Variants in SLC14A2 observed in about 807,000 individuals in gnomAD.
The protein encoded by SLC14A2 is urea transporter 2.
SLC14A2 carries 91 observed loss-of-function variants against 104.6 expected under a neutral mutation model. The ratio of observed to expected loss-of-function variants is 0.87; its 90% CI spans 0.73 to 1.04. The LOEUF is 1.04. Ranked by LOEUF, SLC14A2 falls within the 50% of genes least tolerant of loss-of-function variation. The probability of loss-of-function intolerance (pLI) is 0.00; values close to 1 mark genes in which losing one functional copy is unlikely to be tolerated. For synonymous variants in SLC14A2, 476 were observed against 466.4 expected, an observed-to-expected ratio of 1.02 and a Z score of -0.27; for missense variants, 1,189 against 1,156.0, an observed-to-expected ratio of 1.03 and a Z score of -0.41.
At chr18:45,591,179 T>C (rs891074452) in intron 2 of SLC14A2, among the ~76,000 whole-genome samples, 9 of 152,336 alleles carry the variant, frequency 5.9e-5, no homozygotes, top group African/African-American at 1.9e-4. Context: ...TCTTCTGATA[T>C]GCAAATATCC....
intron 2 of SLC14A2, among the ~76,000 whole-genome samples, chr18:45,486,186 A>G (rs1311862270): frequency 6.6e-6 from 1 of 152,138 alleles, no homozygotes; most frequent in East Asian, 1.9e-4. Flanking sequence ...AGAGCAGTTA[A>G]TGGCAACTGT....
chr18:45,410,527 CT>C (rs1417793474), intron 1 of SLC14A2, among the ~76,000 whole-genome samples: 1 of 152,058 alleles, frequency 6.6e-6, no homozygotes, highest in African/African-American at 2.4e-5. Context: ...AATAACAAAT[CT>C]TATTTATGTA....
At chr18:45,261,189 G>C (rs898887636) in intron 1 of SLC14A2, among the ~76,000 whole-genome samples, 1 of 151,440 alleles carries the variant, frequency 6.6e-6, no homozygotes, top group African/African-American at 2.4e-5. Flanking sequence ...ACAGGCCCCG[G>C]TGTGTGATGT....
intron 1 of SLC14A2, among the ~76,000 whole-genome samples, chr18:45,347,210 G>T (rs1372546953): frequency 6.6e-6 from 1 of 151,952 alleles, no homozygotes; most frequent in Admixed American, 6.6e-5. Flanking sequence ...ACAAAAATTA[G>T]CTGGGCATGG....
In SLC14A2 at chr18:45,344,046, A is replaced by G. The variant is rs1809300203; in HGVS notation, c.-125+130855A>G. Among the ~76,000 whole-genome samples, 7 of 152,202 alleles carry G rather than the reference A, an allele frequency of 4.6e-5. No homozygotes were observed. In the South Asian group the frequency reaches 1.4e-3, roughly 32 times the overall value. ...AAAGCAGCTACAATTTGCTGGCCCA[A>G]TAACTTTCATCAAAGTATGTGAAAG... is the stretch of plus-strand genomic sequence containing the variant. On this transcript the variant is annotated intron_variant, in intron 1 of 20. Transcript: ENST00000586448.
intron 1 of SLC14A2, among the ~76,000 whole-genome samples, chr18:45,300,079 G>A (rs143183962): frequency 1.3e-3 from 198 of 152,254 alleles, no homozygotes; most frequent in African/African-American, 4.6e-3. Context: ...TCAGGGCAAG[G>A]TCTAGGTTTG....
At chr18:45,241,740 T>C (rs2084319930) in intron 1 of SLC14A2, among the ~76,000 whole-genome samples, 1 of 150,766 alleles carries the variant, frequency 6.6e-6, no homozygotes, top group African/African-American at 2.4e-5. Flanking sequence ...TTCTCTTGGA[T>C]TCAAACGACT....
intron 1 of SLC14A2, among the ~76,000 whole-genome samples, chr18:45,436,296 A>T (rs769050000): frequency 9.2e-5 from 14 of 152,220 alleles, no homozygotes; most frequent in African/African-American, 2.2e-4. Flanking sequence ...CAGAAAGCAG[A>T]TGCAGTTCCA....
At chr18:45,590,833 C>T (rs776726146) in intron 2 of SLC14A2, among the ~76,000 whole-genome samples, 4 of 152,212 alleles carry the variant, frequency 2.6e-5, no homozygotes, top group Non-Finnish European at 5.9e-5. Context: ...TAAGGCACTG[C>T]TCTAGACATG....
intron 1 of SLC14A2, among the ~76,000 whole-genome samples, chr18:45,311,939 T>C (rs976992096): frequency 3.3e-5 from 5 of 152,158 alleles, no homozygotes; most frequent in African/African-American, 4.8e-5. Flanking sequence ...AAATAAGCCA[T>C]TGATGCTGGA....
chr18:45,598,905 C>T (rs1250027847), intron 2 of SLC14A2, among the ~76,000 whole-genome samples: 1 of 152,162 alleles, frequency 6.6e-6, no homozygotes, highest in Non-Finnish European at 1.5e-5. Flanking sequence ...AACTTTCTTA[C>T]CCCAAGGGAA....
At chr18:45,323,824 C>T (rs1431144224) in intron 1 of SLC14A2, among the ~76,000 whole-genome samples, 1 of 152,144 alleles carries the variant, frequency 6.6e-6, no homozygotes, top group Non-Finnish European at 1.5e-5. Context: ...CCTCCCAAGA[C>T]CAAAAATGCA....
At chr18:45,500,368 G>A (rs1386959473) in intron 2 of SLC14A2, among the ~76,000 whole-genome samples, 4 of 152,050 alleles carry the variant, frequency 2.6e-5, no homozygotes, top group African/African-American at 9.7e-5. Flanking sequence ...ACGAGGTCAG[G>A]AGATCGAGAC....
chr18:45,408,350 T>C (rs1050439060), intron 1 of SLC14A2, among the ~76,000 whole-genome samples: 2 of 152,114 alleles, frequency 1.3e-5, no homozygotes, highest in Non-Finnish European at 2.9e-5. Context: ...AATTAATGAG[T>C]GGTACTTGTG....
rs759264638 is a variant in SLC14A2 at position 45,341,851 on chromosome 18, G to T, written c.-125+128660G>T. ...GATCTGCCTCCCTTTGCCTCCCAAAGTGCTGGGATTACAGGCACGAGCCAC... is the reference window on the plus strand; with the variant it reads ...GATCTGCCTCCCTTTGCCTCCCAAATTGCTGGGATTACAGGCACGAGCCAC... On this transcript the variant is annotated intron_variant, in intron 1 of 20. Transcript: ENST00000586448. Among the ~76,000 whole-genome samples the T allele has an allele frequency of 2.6e-5, 4 of 151,990 alleles. No homozygotes were observed. In the East Asian group the frequency reaches 5.8e-4, roughly 22 times the overall value.
rs775782484 is a variant in SLC14A2, at chr18:45,624,884, G to A, written c.150+70G>A. ...GGGAAAAGTGGGGGCAAAAGATGCC[G>A]CTTTCCCACCTTCCCAGTGAACTTA... On this transcript the variant is annotated intron_variant, in intron 2 of 19. Coordinates refer to ENST00000255226, the MANE Select transcript of SLC14A2 (RefSeq NM_007163.4). 7.5e-6 allele frequency: 11 copies of A among 1,465,708 alleles called. 1 individual carries two copies. Among genetic ancestry groups the A allele is most frequent in the African/African-American group, 2.8e-5 (2 of 71,584 alleles). The allele number at this position is 1,465,708 out of a possible 1,614,324, so 90.8% of individuals were successfully genotyped here.
intron 5 of SLC14A2, among the ~76,000 whole-genome samples, chr18:45,634,133 C>T (rs1429717547): frequency 3.3e-5 from 5 of 152,174 alleles, no homozygotes. Context: ...GGGCTCTGTG[C>T]TACTACTCCA....
At chr18:45,581,548 G>A (rs1015059623) in intron 2 of SLC14A2, among the ~76,000 whole-genome samples, 21 of 152,074 alleles carry the variant, frequency 1.4e-4, no homozygotes, top group Non-Finnish European at 2.8e-4. Flanking sequence ...CAACATCAAG[G>A]GCCCTGAGTC....
At chr18:45,453,915 A>T (rs375817641) in intron 1 of SLC14A2, among the ~76,000 whole-genome samples, 1 of 130,202 alleles carries the variant, frequency 7.7e-6, no homozygotes, top group African/African-American at 3.0e-5. Context: ...GCTGCAGTGC[A>T]GTGGCATGAT....
Sources: allele counts gnomAD v4.1 joint callset (sites outside exome capture counted in the v4.1 genomes callset), GRCh38; gene constraint gnomAD v4.1.1; transcripts MANE v1.5; gene names NCBI Gene and HGNC (gene_info 2026-07-23, HGNC 2026-07-21).